Variants in GPRIN2 observed in about 807,000 individuals in gnomAD.
GPRIN2 encodes the protein G protein regulated inducer of neurite outgrowth 2.
In GPRIN2, 1 loss-of-function variant was observed where a neutral mutation model predicts 0.3. That is an observed-to-expected ratio of 3.90 (90% CI 1.39 to 18.51). GPRIN2 has a LOEUF of 18.51. Among genes scored for constraint, GPRIN2 ranks in the 30% most tolerant of loss-of-function variants. The pLI is 0.11. For missense variants in GPRIN2, 880 were observed against 604.2 expected (o/e 1.46, Z -4.79); for synonymous variants, 361 against 258.6 (o/e 1.40, Z -3.80).
At chr10:46,551,482 C>T in intron 2 of GPRIN2, 1 of 985,534 alleles carries the variant, frequency 1.0e-6, no homozygotes, top group Non-Finnish European at 1.2e-6. Flanking sequence ...CATTCAGCAT[C>T]TGGTCATTGA....
rs146289754 is a variant in GPRIN2, at chr10:46,549,919, T to C, written c.818A>G (p.Gln273Arg). 19 of 1,614,150 alleles carry C rather than the reference T, an allele frequency of 1.2e-5. No individual in the cohort carries two copies. The African/African-American group carries it at 2.4e-4, about 20-fold the overall frequency. ...ASVSESGLQA[Q>R]HGVKIHCRLS... ...CCTACAGTGGATCTTCACCCCATGC[T>C]GAGCCTGCAGCCCAGACTCGCTCAC... is the stretch of plus-strand genomic sequence containing the variant. The change falls in exon 3 of 3, where the codon CAG (glutamine) becomes CGG (arginine). Residue 273 changes from glutamine to arginine, a missense_variant. By Grantham distance (43) the Gln-to-Arg change is conservative (BLOSUM62 1). Coordinates refer to ENST00000374314, the MANE Select transcript of GPRIN2 (RefSeq NM_001385282.1).
rs1480764754 is a variant in GPRIN2 at position 46,545,484 on chromosome 10, C to A, written c.*3876G>T. On this transcript the variant is annotated 3_prime_UTR_variant, in exon 3 of 3. Coordinates refer to ENST00000374314, the MANE Select transcript of GPRIN2 (RefSeq NM_001385282.1). Reference sequence around the variant, plus strand: ...TCCCTAATAACTCCAGCATCCTCATCTCAGCAGAAGCTTCTGGGGAACCCA... The same window carrying A: ...TCCCTAATAACTCCAGCATCCTCATATCAGCAGAAGCTTCTGGGGAACCCA... Among the ~76,000 whole-genome samples the A allele has an allele frequency of 8.5e-5, 13 of 152,422 alleles. No individual in the cohort carries two copies. The highest frequency in any genetic ancestry group is 3.1e-4 in the African/African-American group (13 of 41,606).
At chr10:46,557,322 A>G (rs1028590648), upstream of GPRIN2, among the ~76,000 whole-genome samples, 1 of 152,286 alleles carries the variant, frequency 6.6e-6, no homozygotes, top group Non-Finnish European at 1.5e-5. Flanking sequence ...TTTGAACTCC[A>G]TGATCCTGGC....
intron 2 of GPRIN2, 63 bp from the exon 3 acceptor site, chr10:46,550,805 A>G (rs1292784515): frequency 4.1e-6 from 6 of 1,469,952 alleles, no homozygotes; most frequent in African/African-American, 1.4e-5. Flanking sequence ...AGCCGATTCT[A>G]CTATGAACTC....
At position 46,548,354 on chromosome 10, in the gene GPRIN2, G is replaced by T. The variant is rs888550474; in HGVS notation, c.*1006C>A. On this transcript the variant is annotated 3_prime_UTR_variant, in exon 3 of 3. Coordinates refer to ENST00000374314, the MANE Select transcript of GPRIN2 (RefSeq NM_001385282.1). Reference sequence around the variant, plus strand: ...CTCACAGCCCCTACCCCAGGGCCAGGGCAAACTCCTGCCCTGTCCCCCTCC... The same window carrying T: ...CTCACAGCCCCTACCCCAGGGCCAGTGCAAACTCCTGCCCTGTCCCCCTCC... 3.3e-5 allele frequency among the ~76,000 whole-genome samples: 5 copies of T among 152,300 alleles called. No homozygotes were observed. The highest frequency in any genetic ancestry group is 1.2e-4 in the African/African-American group (5 of 41,486).
intron 2 of GPRIN2, chr10:46,551,550 G>T (rs1842611403): frequency 1.0e-6 from 1 of 974,440 alleles, no homozygotes; most frequent in South Asian, 4.7e-5. Flanking sequence ...AGGGAACATG[G>T]GATTCATTCA....
At chr10:46,550,830 T>G in intron 2 of GPRIN2, 88 bp from the exon 3 acceptor site, 1 of 1,385,084 alleles carries the variant, frequency 7.2e-7, no homozygotes, top group Non-Finnish European at 9.5e-7. Flanking sequence ...AGTGCTAGGT[T>G]CACCAGGGAG....
chr10:46,551,935 T>G (rs1342165005), intron 2 of GPRIN2, among the ~76,000 whole-genome samples: 3 of 152,310 alleles, frequency 2.0e-5, no homozygotes, highest in Admixed American at 2.0e-4. Context: ...CCTGCTCCCC[T>G]CTGGCTGTCC....
chr10:46,555,224 G>A (rs773435001), intron 1 of GPRIN2, among the ~76,000 whole-genome samples: 11 of 152,206 alleles, frequency 7.2e-5, no homozygotes, highest in South Asian at 4.1e-4. Context: ...TGGGATTACA[G>A]GCATGAGCCA....
In GPRIN2 at chr10:46,543,057, A is replaced by C. The variant is rs1841876111; in HGVS notation, c.*6303T>G. ...TGACAACTGATTTCTCATTCTGGGC[A>C]AAAGCAATGGAAACTTGGCACAGCA... On this transcript the variant is annotated 3_prime_UTR_variant, in exon 3 of 3. Coordinates refer to ENST00000374314, the MANE Select transcript of GPRIN2 (RefSeq NM_001385282.1). Among the ~76,000 whole-genome samples, 1 of 152,310 alleles carries C rather than the reference A, an allele frequency of 6.6e-6. No homozygotes were observed.
At position 46,549,590 on chromosome 10, in the gene GPRIN2, G is replaced by C; in HGVS notation, c.1147C>G (p.Arg383Gly). 2 of 1,614,238 alleles carry C rather than the reference G, an allele frequency of 1.2e-6. No individual in the cohort carries two copies. Among genetic ancestry groups the C allele is most frequent in the Non-Finnish European group, 8.5e-7 (1 of 1,180,006 alleles). The part of the protein sequence containing the change: ...EEVPSPVRDV[R>G]WDAEGMTWEV... ...CATGTCATGCCCTCAGCATCCCATC[G>C]CACATCCCGCACAGGGGACGGCACC... The change falls in exon 3 of 3, where the codon CGA becomes GGA. Residue 383 changes from arginine (R) to glycine (G), a missense_variant. Physicochemically the swap from Arg to Gly is moderately radical, Grantham distance 125 (BLOSUM62 -2). Transcript: ENST00000374314.
intron 2 of GPRIN2, among the ~76,000 whole-genome samples, chr10:46,551,932 C>A (rs1842661291): frequency 6.6e-6 from 1 of 152,312 alleles, no homozygotes; most frequent in Non-Finnish European, 1.5e-5. Context: ...TGGCCTGCTC[C>A]CCTCTGGCTG....
rs1832316440 is a variant in GPRIN2 at position 46,550,580 on chromosome 10, C to T, written c.157G>A (p.Gly53Ser). ...ASSTVWQAQL[G>S]EASTRPQAPE... Reference sequence around the variant, plus strand: ...GCCTGGGGTCTGGTGCTGGCCTCGCCCAGCTGGGCCTGCCACACGGTGCTG... The same window carrying T: ...GCCTGGGGTCTGGTGCTGGCCTCGCTCAGCTGGGCCTGCCACACGGTGCTG... Residue 53 changes from glycine (G) to serine (S), a missense_variant, in exon 3 of 3, where the codon GGC becomes AGC. Transcript: ENST00000374314. The T allele has an allele frequency of 2.5e-6, 4 of 1,585,494 alleles. No homozygotes were observed. The highest frequency in any genetic ancestry group is 3.6e-5 in the Admixed American group (2 of 56,338).
chr10:46,549,794 T>G lies in GPRIN2; in HGVS notation c.943A>C (p.Thr315Pro). 2 of 1,614,194 alleles carry G rather than the reference T, an allele frequency of 1.2e-6. No homozygotes were observed. Among genetic ancestry groups the G allele is most frequent in the African/African-American group, 1.3e-5 (1 of 75,090 alleles). ...EPGSRTKDVW[T>P]MTSANDLAPA... is the part of the protein sequence containing the mutation. ...GCCAAGTCATTGGCTGAGGTCATGGTCCACACATCTTTGGTCCTAGAGCCA... is the reference window on the plus strand; with the variant it reads ...GCCAAGTCATTGGCTGAGGTCATGGGCCACACATCTTTGGTCCTAGAGCCA... Residue 315 changes from threonine to proline, a missense_variant, in exon 3 of 3, where the codon ACC (threonine) becomes CCC (proline). Transcript: ENST00000374314.
Position 46,556,652 on chromosome 10 carries a change from C to G in GPRIN2, c.-272G>C, listed in dbSNP as rs1252017127. On this transcript the variant is annotated 5_prime_UTR_variant, in exon 1 of 3. Transcript: ENST00000374314. ...TCGGCCCGGCCCGCGGAGCAAGCGC[C>G]GGGTACAGGGAGGGGCCAGCGGGGC... Among the ~76,000 whole-genome samples, 1 of 151,982 alleles carries G rather than the reference C, an allele frequency of 6.6e-6. No homozygotes were observed. Among genetic ancestry groups the G allele is most frequent in the African/African-American group, 2.4e-5 (1 of 41,428 alleles).
chr10:46,545,927 A>G lies in GPRIN2; in HGVS notation c.*3433T>C, dbSNP rs1187064971. On this transcript the variant is annotated 3_prime_UTR_variant, in exon 3 of 3. Coordinates refer to ENST00000374314, the MANE Select transcript of GPRIN2 (RefSeq NM_001385282.1). ...ACATGGCTATAGGTGTGGATCCTAT[A>G]TATCCAGATTCAAACTCCAGCTTTA... 2.0e-5 allele frequency among the ~76,000 whole-genome samples: 3 copies of G among 152,310 alleles called. No individual in the cohort carries two copies. The highest frequency in any genetic ancestry group is 7.2e-5 in the African/African-American group (3 of 41,488).
rs1009033204 is a variant in GPRIN2 at position 46,542,755 on chromosome 10, A to G, written c.*6605T>C. 1.3e-5 allele frequency among the ~76,000 whole-genome samples: 2 copies of G among 152,308 alleles called. No homozygotes were observed. The highest frequency in any genetic ancestry group is 2.4e-5 in the African/African-American group (1 of 41,488). On this transcript the variant is annotated 3_prime_UTR_variant, in exon 3 of 3. Coordinates refer to ENST00000374314, the MANE Select transcript of GPRIN2 (RefSeq NM_001385282.1). ...AGCCTTGGCTCTTGGACACGAATCC[A>G]GTTCCTGACAGCAGAGAAGCATACA...
intron 2 of GPRIN2, 144 bp from the exon 3 acceptor site, chr10:46,550,886 G>A (rs1299943606): frequency 2.3e-6 from 2 of 880,514 alleles, no homozygotes; most frequent in South Asian, 6.3e-5. Flanking sequence ...CCATATGCAA[G>A]GCAGTGAGTG....
At chr10:46,555,417 T>C (rs1231931088) in intron 1 of GPRIN2, 1 of 154,416 alleles carries the variant, frequency 6.5e-6, no homozygotes, top group African/African-American at 2.4e-5. Flanking sequence ...CAAACCCCCA[T>C]TGCACAGTGG....
Sources: gnomAD v4.1 joint callset for allele counts (sites outside exome capture counted in the v4.1 genomes callset) on GRCh38, gnomAD v4.1.1 for gene constraint, MANE v1.5 for transcripts, NCBI Gene and HGNC (gene_info 2026-07-23, HGNC 2026-07-21) for gene names.